The following SLC7A2 variants were observed in gnomAD, a reference collection of about 807,000 sequenced individuals.
SLC7A2 encodes the protein solute carrier family 7 member 2.
SLC7A2 carries 48 observed loss-of-function variants against 58.9 expected under a neutral mutation model. The observed-to-expected ratio is 0.82, with a 90% CI of 0.65 to 1.04. The LOEUF (loss-of-function observed/expected upper bound fraction) is 1.04, where lower values mean the gene tolerates loss of function less well. SLC7A2 is among the 50% of genes least tolerant of loss of function. The pLI, the probability that SLC7A2 is intolerant of heterozygous loss-of-function variation, is 0.00. For synonymous variants in SLC7A2, 363 were observed against 314.5 expected (o/e 1.15, Z -1.63); for missense variants, 1,029 against 818.8 (o/e 1.26, Z -3.13).
chr8:17,494,545 C>T (rs1254330034), upstream of SLC7A2, among the ~76,000 whole-genome samples: 1 of 152,118 alleles, frequency 6.6e-6, no homozygotes, highest in South Asian at 2.1e-4. Flanking sequence ...AATTCAACCC[C>T]GGGCAGCAAG....
At chr8:17,510,326 T>A (rs1321521590) in intron 2 of SLC7A2, among the ~76,000 whole-genome samples, 1 of 152,124 alleles carries the variant, frequency 6.6e-6, no homozygotes, top group Non-Finnish European at 1.5e-5. Context: ...ACTGATAACA[T>A]AAATGACAAT....
At chr8:17,530,937 G>A (rs2705083) in intron 2 of SLC7A2, among the ~76,000 whole-genome samples, 16,251 of 152,070 alleles carry the variant, frequency 0.11, 1,096 homozygotes, top group East Asian at 0.3. Flanking sequence ...AATTTAATAA[G>A]CATTAATTGT....
chr8:17,536,658 A>G (rs544803833), intron 2 of SLC7A2, among the ~76,000 whole-genome samples: 3 of 152,332 alleles, frequency 2.0e-5, no homozygotes, highest in Admixed American at 1.3e-4. Flanking sequence ...CACTTTAAGT[A>G]CGGTATTGGA....
chr8:17,551,263 G>A (rs986785365), intron 6 of SLC7A2, among the ~76,000 whole-genome samples: 15 of 152,058 alleles, frequency 9.9e-5, no homozygotes, highest in African/African-American at 1.9e-4. Flanking sequence ...GGATTTTTAC[G>A]TAATAAGAAA....
At chr8:17,550,889 G>A (rs1585252442) in intron 6 of SLC7A2, among the ~76,000 whole-genome samples, 1 of 152,148 alleles carries the variant, frequency 6.6e-6, no homozygotes, top group East Asian at 1.9e-4. Context: ...TCATGCCGGA[G>A]TCACTCTCTA....
At chr8:17,546,095 T>A (rs887231302) in intron 4 of SLC7A2, among the ~76,000 whole-genome samples, 1 of 152,208 alleles carries the variant, frequency 6.6e-6, no homozygotes, top group Non-Finnish European at 1.5e-5. Context: ...TTTGTTTTGG[T>A]TTCTAAGCAG....
intron 2 of SLC7A2, among the ~76,000 whole-genome samples, chr8:17,506,553 AT>A (rs1299727741): frequency 6.6e-6 from 1 of 152,196 alleles, no homozygotes; most frequent in Admixed American, 6.5e-5. Flanking sequence ...CTAGACGAAT[AT>A]GGAAGAGAAG....
intron 6 of SLC7A2, 142 bp from the exon 7 acceptor site, chr8:17,551,622 T>G: frequency 1.5e-6 from 1 of 670,022 alleles, no homozygotes; most frequent in Non-Finnish European, 2.6e-6. Context: ...TAAAATGAAA[T>G]AAAATAGATG....
At position 17,536,561 on chromosome 8, in the gene SLC7A2, A is replaced by G. The variant is rs1801675169; in HGVS notation, c.-22-6757A>G. Among the ~76,000 whole-genome samples, 2 of 152,302 alleles carry G rather than the reference A, an allele frequency of 1.3e-5. 1 individual carries two copies. Among genetic ancestry groups the G allele is most frequent in the South Asian group, 4.1e-4 (2 of 4,826 alleles). ...CCTGCCACAAAACAAACAAACGAAC[A>G]AACAATTCTACCTTATGTCAAGCTA... is the stretch of plus-strand genomic sequence containing the variant. On this transcript the variant is annotated intron_variant, in intron 2 of 12. Coordinates refer to ENST00000494857, the MANE Select transcript of SLC7A2 (RefSeq NM_001370338.1).
intron 8 of SLC7A2, among the ~76,000 whole-genome samples, chr8:17,556,454 A>AT (rs922962265): frequency 6.6e-6 from 1 of 152,016 alleles, no homozygotes; most frequent in African/African-American, 2.4e-5. Flanking sequence ...TATTTTTGTG[A>AT]TTTTGTACTC....
chr8:17,545,777 G>A (rs1425929624), intron 4 of SLC7A2, among the ~76,000 whole-genome samples: 1 of 152,122 alleles, frequency 6.6e-6, no homozygotes, highest in Non-Finnish European at 1.5e-5. Context: ...TAAAAACCAT[G>A]TCTGTTCCTA....
chr8:17,525,790 C>T (rs2720489), intron 2 of SLC7A2, among the ~76,000 whole-genome samples: 107,173 of 152,102 alleles, frequency 0.7, 38,169 homozygotes, highest in African/African-American at 0.79. Context: ...GCGGGATTTG[C>T]TGAAACCTTC....
At position 17,566,882 on chromosome 8, in the gene SLC7A2, C is replaced by G. The variant is rs1246819760; in HGVS notation, c.*1736C>G. On this transcript the variant is annotated 3_prime_UTR_variant, in exon 13 of 13. Coordinates refer to ENST00000494857, the MANE Select transcript of SLC7A2 (RefSeq NM_001370338.1). ...CTAGCTGGCCCGTGTAATCCCAAGA[C>G]AAGGAAAACATTCGTTTTCCTCATG... is the stretch of plus-strand genomic sequence containing the variant. 1 of 152,172 alleles carries G rather than the reference C, an allele frequency of 6.6e-6. No homozygotes were observed. Among genetic ancestry groups the G allele is most frequent in the Non-Finnish European group, 1.5e-5 (1 of 68,006 alleles). 9.4% of individuals were successfully genotyped at this position (152,172 alleles called of 1,614,324 possible). A position where few individuals can be genotyped will look rare whatever the true frequency, so the allele number is the denominator to read the frequency against.
intron 7 of SLC7A2, among the ~76,000 whole-genome samples, chr8:17,553,781 TA>T (rs1389214427): frequency 1.3e-5 from 2 of 152,156 alleles, no homozygotes; most frequent in Non-Finnish European, 1.5e-5. Context: ...CTGTCGCAAA[TA>T]AAATAAATCA....
intron 2 of SLC7A2, chr8:17,538,630 C>A (rs550692209): frequency 3.6e-6 from 2 of 552,350 alleles, no homozygotes; most frequent in African/African-American, 1.9e-5. Flanking sequence ...ATTTAACCCA[C>A]GTTATAATTT....
chr8:17,550,265 A>C (rs549714429), intron 5 of SLC7A2, 36 bp from the exon 6 acceptor site: 1 of 1,603,480 alleles, frequency 6.2e-7, no homozygotes, highest in East Asian at 2.2e-5. Flanking sequence ...GTTTTCTGTC[A>C]AAGTGACTTT....
At chr8:17,502,020 C>T (rs1196713259) in intron 1 of SLC7A2, among the ~76,000 whole-genome samples, 3 of 151,764 alleles carry the variant, frequency 2.0e-5, no homozygotes, top group Non-Finnish European at 4.4e-5. Context: ...CTCTTCTTTC[C>T]TTAACCCATT....
chr8:17,560,345 C>G lies in SLC7A2; in HGVS notation c.1316C>G (p.Ser439Cys), dbSNP rs1278166816. 1.2e-6 allele frequency: 2 copies of G among 1,614,008 alleles called. No homozygotes were observed. Among genetic ancestry groups the G allele is most frequent in the Admixed American group, 3.3e-5 (2 of 60,024 alleles). The change falls in exon 10 of 13, where the codon TCT becomes TGT. Residue 439 changes from serine to cysteine, a missense_variant. Ser to Cys is a moderately radical substitution (Grantham distance 112, BLOSUM62 -1). Transcript: ENST00000494857. ...GGAAATAGGTACCAGCCTGGCTTAT[C>G]TTACGACCAGCCCAAATGTTCTCCT... Reference protein sequence around the residue: ...VLILRYQPGLSYDQPKCSPEK... With the variant: ...VLILRYQPGLCYDQPKCSPEK...
chr8:17,529,736 C>G (rs1383870469), intron 2 of SLC7A2, among the ~76,000 whole-genome samples: 1 of 151,960 alleles, frequency 6.6e-6, no homozygotes, highest in African/African-American at 2.4e-5. Context: ...GGTTTTACAC[C>G]ATGTTAGCTA....
Sources: allele counts gnomAD v4.1 joint callset (sites outside exome capture counted in the v4.1 genomes callset), GRCh38; gene constraint gnomAD v4.1.1; transcripts MANE v1.5; gene names NCBI Gene and HGNC (gene_info 2026-07-23, HGNC 2026-07-21).